ASPHD2: variants seen among roughly 807,000 people sequenced by gnomAD.
ASPHD2 encodes aspartate beta-hydroxylase domain-containing protein 2.
Under a neutral mutation model 34.6 loss-of-function variants are expected in ASPHD2, and 12 were observed. That is an observed-to-expected ratio of 0.35 (90% CI 0.22 to 0.56). The LOEUF (loss-of-function observed/expected upper bound fraction) is 0.56, where lower values mean the gene tolerates loss of function less well. ASPHD2 is among the 20% of genes least tolerant of loss of function. ASPHD2 has a pLI of 0.87. For synonymous variants in ASPHD2, 224 were observed against 212.2 expected (o/e 1.06, Z -0.48); for missense variants, 375 against 505.0 (o/e 0.74, Z 2.47).
At position 26,434,020 on chromosome 22, in the gene ASPHD2, G is replaced by A. The variant is rs944287388; in HGVS notation, c.405G>A (p.Lys135=). Residue 135 remains lysine (K), a synonymous_variant, in exon 2 of 4, where the codon AAG becomes AAA. Transcript: ENST00000215906. ...ACCACAACCTGCAGGAGTACGCCAA[G>A]CGCTACTCCTGGTCCGGCATGGGCC... ...KLYHNLQEYA[K]RYSWSGMGRI... is the part of the protein sequence containing the mutation. 1 of 1,613,498 alleles carries A rather than the reference G, an allele frequency of 6.2e-7. No homozygotes were observed. Among genetic ancestry groups the A allele is most frequent in the Non-Finnish European group, 8.5e-7 (1 of 1,179,972 alleles).
rs2084892851 is a variant in ASPHD2, at chr22:26,444,503, G to GA, written c.*1300dup. 1 of 152,228 alleles carries GA rather than the reference G, an allele frequency of 6.6e-6. No individual in the cohort carries two copies. Among genetic ancestry groups the GA allele is most frequent in the Non-Finnish European group, 1.5e-5 (1 of 68,034 alleles). The allele number at this position is 152,228 out of a possible 1,614,324, so 9.4% of individuals were successfully genotyped here. A position where few individuals can be genotyped will look rare whatever the true frequency, so the allele number is the denominator to read the frequency against. ...AGACCAGTTTGAGGCACTCACTCTA[G>GA]AAATAGCCTGTGTTAGCTGATGTGT... On this transcript the variant is annotated 3_prime_UTR_variant, in exon 4 of 4. Coordinates refer to ENST00000215906, the MANE Select transcript of ASPHD2 (RefSeq NM_020437.5).
In ASPHD2 at chr22:26,433,740, T is replaced by G. The variant is rs772919727; in HGVS notation, c.125T>G (p.Leu42Arg). ...GCCTGGAGCTGGTCGCTGGATGGCC[T>G]GAGGGACTGCATCGCCACCGGCATC... ...LVAWSWSLDG[L>R]RDCIATGIQS... The change falls in exon 2 of 4, where the codon CTG becomes CGG. Residue 42 changes from leucine (L) to arginine (R), a missense_variant. Physicochemically the swap from Leu to Arg is moderately radical, Grantham distance 102. Transcript: ENST00000215906. This position sits in a 1 kb window ranked among gnomAD's most constrained non-coding sequence, Gnocchi z 5.1. The G allele has an allele frequency of 6.2e-7, 1 of 1,613,748 alleles. No homozygotes were observed. Among genetic ancestry groups the G allele is most frequent in the South Asian group, 1.1e-5 (1 of 91,084 alleles).
Position 26,435,456 on chromosome 22 carries a change from C to T in ASPHD2, c.886+955C>T, listed in dbSNP as rs193020934. Among the ~76,000 whole-genome samples the T allele has an allele frequency of 4.2e-4, 64 of 152,288 alleles. No homozygotes were observed. In the East Asian group the frequency reaches 6.6e-3, roughly 16 times the overall value. On this transcript the variant is annotated intron_variant, in intron 2 of 3. Transcript: ENST00000215906. The stretch of plus-strand genomic sequence containing the variant: ...GAGTGTGCAGAGACAGCCTTGGCAG[C>T]GTCCAGCTTTACAAAGTTCACAACG...
At chr22:26,439,484 T>C (rs1488430197) in intron 2 of ASPHD2, among the ~76,000 whole-genome samples, 2 of 152,242 alleles carry the variant, frequency 1.3e-5, no homozygotes, top group African/African-American at 4.8e-5. Flanking sequence ...CTAGCATTTA[T>C]ATCATCATGT....
chr22:26,443,415 T>G lies in ASPHD2; in HGVS notation c.*209T>G. The G allele has an allele frequency of 1.9e-6, 1 of 521,024 alleles. No individual in the cohort carries two copies. The highest frequency in any genetic ancestry group is 3.4e-6 in the Non-Finnish European group (1 of 292,586). 32.3% of individuals were successfully genotyped at this position (521,024 alleles called of 1,614,324 possible). A position where few individuals can be genotyped will look rare whatever the true frequency, so the allele number is the denominator to read the frequency against. The stretch of plus-strand genomic sequence containing the variant: ...TTCGGCTTGTATTTCCTTAGATTTT[T>G]TTTTTTTCCTTCCAATCATTTGCTT... On this transcript the variant is annotated 3_prime_UTR_variant, in exon 4 of 4. Coordinates refer to ENST00000215906, the MANE Select transcript of ASPHD2 (RefSeq NM_020437.5).
At chr22:26,430,251 A>C (rs556865118) in intron 1 of ASPHD2, among the ~76,000 whole-genome samples, 3 of 152,310 alleles carry the variant, frequency 2.0e-5, no homozygotes, top group Admixed American at 2.0e-4. Context: ...ACTCTTTGGC[A>C]TTAGGCAGCC....
intron 1 of ASPHD2, among the ~76,000 whole-genome samples, chr22:26,431,430 A>C (rs1601698972): frequency 6.6e-6 from 1 of 151,910 alleles, no homozygotes; most frequent in Admixed American, 6.6e-5. Context: ...AAAAAAAAAA[A>C]AACAAAAGAA....
At position 26,433,313 on chromosome 22, in the gene ASPHD2, GA is replaced by G; in HGVS notation, c.-224-77del. ...GACCCCCACCAACTAGGATCCTACAGAACGATCTAACACTTTACATTTCAGT... is the reference window on the plus strand; with the variant it reads ...GACCCCCACCAACTAGGATCCTACAGACGATCTAACACTTTACATTTCAGT... On this transcript the variant is annotated intron_variant, in intron 1 of 3. Transcript: ENST00000215906. This position sits in a 1 kb window ranked among gnomAD's most constrained non-coding sequence, Gnocchi z 5.1. 2.4e-6 allele frequency: 1 copy of G among 422,708 alleles called. No individual in the cohort carries two copies. Among genetic ancestry groups the G allele is most frequent in the Non-Finnish European group, 4.3e-6 (1 of 234,044 alleles). The allele number at this position is 422,708 out of a possible 1,614,324, so 26.2% of individuals were successfully genotyped here.
Position 26,433,273 on chromosome 22 carries a change from A to G in ASPHD2, c.-224-119A>G. On this transcript the variant is annotated intron_variant, in intron 1 of 3. Coordinates refer to ENST00000215906, the MANE Select transcript of ASPHD2 (RefSeq NM_020437.5). This position sits in a 1 kb window ranked among gnomAD's most constrained non-coding sequence, Gnocchi z 5.1. Reference sequence around the variant, plus strand: ...GCAGTAGAATGGGGAGGGAATACACAAGATTGCAAAGTGTGACCCCCACCA... The same window carrying G: ...GCAGTAGAATGGGGAGGGAATACACGAGATTGCAAAGTGTGACCCCCACCA... The G allele has an allele frequency of 3.1e-6, 1 of 324,276 alleles. No homozygotes were observed. The highest frequency in any genetic ancestry group is 5.0e-5 in the Admixed American group (1 of 20,092). 20.1% of individuals were successfully genotyped at this position (324,276 alleles called of 1,614,324 possible). A position where few individuals can be genotyped will look rare whatever the true frequency, so the allele number is the denominator to read the frequency against.
chr22:26,438,250 C>T (rs1046213178), intron 2 of ASPHD2, among the ~76,000 whole-genome samples: 1 of 152,110 alleles, frequency 6.6e-6, no homozygotes, highest in Non-Finnish European at 1.5e-5. Context: ...TGAGTCCCTC[C>T]ATCTGGGCGT....
chr22:26,443,661 T>C lies in ASPHD2; in HGVS notation c.*455T>C, dbSNP rs1601709837. On this transcript the variant is annotated 3_prime_UTR_variant, in exon 4 of 4. Transcript: ENST00000215906. ...AACTAAAAACTGCAAACCAGAGAGC[T>C]AGAGAACTTGGCCTCTGATGCTGGC... 6.7e-6 allele frequency: 1 copy of C among 149,354 alleles called. No individual in the cohort carries two copies. The highest frequency in any genetic ancestry group is 2.5e-5 in the African/African-American group (1 of 40,608). The allele number at this position is 149,354 out of a possible 1,614,324, so 9.3% of individuals were successfully genotyped here. A position where few individuals can be genotyped will look rare whatever the true frequency, so the allele number is the denominator to read the frequency against.
intron 2 of ASPHD2, among the ~76,000 whole-genome samples, chr22:26,438,510 TACATACATATATATAC>T (rs2084809672): frequency 1.0e-5 from 1 of 96,148 alleles, no homozygotes; most frequent in Admixed American, 1.2e-4. Flanking sequence ...TACATATATA[TACATACATATATATAC>T]ATACATATAT....
intron 3 of ASPHD2, 125 bp from the exon 4 acceptor site, chr22:26,442,972 G>C: frequency 2.7e-6 from 2 of 731,568 alleles, no homozygotes; most frequent in South Asian, 1.6e-5. Flanking sequence ...GGTCCGATCC[G>C]AGCCGAGGGA....
In ASPHD2 at chr22:26,442,483, A is replaced by G; in HGVS notation, c.911A>G (p.Glu304Gly). 1 of 1,606,430 alleles carries G rather than the reference A, an allele frequency of 6.2e-7. No homozygotes were observed. The highest frequency in any genetic ancestry group is 8.5e-7 in the Non-Finnish European group (1 of 1,177,426). The change falls in exon 3 of 4, where the codon GAG becomes GGG. Residue 304 changes from glutamate (E) to glycine (G), a missense_variant. Coordinates refer to ENST00000215906, the MANE Select transcript of ASPHD2 (RefSeq NM_020437.5). ...HLGLKTPNGC[E>G]LVVGGEPQCW... is the part of the protein sequence containing the mutation. ...GGTCTGAAAACTCCAAATGGCTGTG[A>G]GCTGGTGGTGGGGGGAGAGCCCCAG...
Position 26,443,436 on chromosome 22 carries a change from T to C in ASPHD2, c.*230T>C. 1 of 482,446 alleles carries C rather than the reference T, an allele frequency of 2.1e-6. No homozygotes were observed. The highest frequency in any genetic ancestry group is 3.7e-6 in the Non-Finnish European group (1 of 268,264). The allele number at this position is 482,446 out of a possible 1,614,324, so 29.9% of individuals were successfully genotyped here. On this transcript the variant is annotated 3_prime_UTR_variant, in exon 4 of 4. Transcript: ENST00000215906. ...TTTTTTTTTTTTCCTTCCAATCATTTGCTTCAGAGACTCCTTTCTGGCCTA... is the reference window on the plus strand; with the variant it reads ...TTTTTTTTTTTTCCTTCCAATCATTCGCTTCAGAGACTCCTTTCTGGCCTA...
chr22:26,436,100 C>G (rs975942514), intron 2 of ASPHD2, among the ~76,000 whole-genome samples: 3 of 152,132 alleles, frequency 2.0e-5, no homozygotes, highest in African/African-American at 4.8e-5. Flanking sequence ...AGACATAGAC[C>G]CTGCCCCCAG....
chr22:26,439,771 C>T (rs2084824328), intron 2 of ASPHD2, among the ~76,000 whole-genome samples: 1 of 152,162 alleles, frequency 6.6e-6, no homozygotes, highest in Non-Finnish European at 1.5e-5. Flanking sequence ...GGCTGAGTGA[C>T]TTGCCCAAAG....
At chr22:26,431,520 C>T (rs1308943126) in intron 1 of ASPHD2, among the ~76,000 whole-genome samples, 1 of 152,064 alleles carries the variant, frequency 6.6e-6, no homozygotes, top group Non-Finnish European at 1.5e-5. Flanking sequence ...GAATATTCAG[C>T]ATGTGTGTTT....
At chr22:26,436,874 T>A (rs2001153) in intron 2 of ASPHD2, among the ~76,000 whole-genome samples, 56,153 of 151,608 alleles carry the variant, frequency 0.37, 10,676 homozygotes, top group South Asian at 0.47. Context: ...GTGTAAAACA[T>A]GCCCACGCTG....
Sources: allele counts gnomAD v4.1 joint callset (sites outside exome capture counted in the v4.1 genomes callset), GRCh38; gene constraint gnomAD v4.1.1; non-coding constraint Gnocchi (gnomAD v3.1); transcripts MANE v1.5; gene names NCBI Gene and HGNC (gene_info 2026-07-23, HGNC 2026-07-21).